Variants in TCF3 observed in about 807,000 individuals in gnomAD.
TCF3 encodes the protein transcription factor E2-alpha.
A neutral mutation model predicts 72.3 loss-of-function variants in TCF3; 54 were observed. That is an observed-to-expected ratio of 0.75 (90% confidence interval 0.60 to 0.94). The LOEUF is 0.94. Among genes scored for constraint, TCF3 ranks in the 40% least tolerant of loss-of-function variants. TCF3 has a pLI of 0.00. For synonymous variants in TCF3, 525 were observed against 412.6 expected (o/e 1.27, Z -3.30); for missense variants, 1,078 against 934.4 (o/e 1.15, Z -2.00).
intron 18 of TCF3, chr19:1,612,113 G>C: frequency 7.7e-7 from 1 of 1,303,578 alleles, no homozygotes; most frequent in Non-Finnish European, 1.0e-6. Flanking sequence ...CATGGACAGA[G>C]TCCGGGGGCG....
intron 3 of TCF3, among the ~76,000 whole-genome samples, chr19:1,633,278 C>T (rs2063943025): frequency 6.6e-6 from 1 of 152,188 alleles, no homozygotes; most frequent in African/African-American, 2.4e-5. Flanking sequence ...GGAGTTGCTG[C>T]CCTGCCTTGG....
intron 13 of TCF3, among the ~76,000 whole-genome samples, chr19:1,620,653 C>G (rs1202704917): frequency 1.3e-5 from 2 of 152,172 alleles, no homozygotes; most frequent in African/African-American, 4.8e-5. Context: ...CACCTCCCAG[C>G]CCTCCCTCAC....
chr19:1,617,688 G>A (rs777966053), intron 16 of TCF3, among the ~76,000 whole-genome samples: 2 of 152,224 alleles, frequency 1.3e-5, no homozygotes, highest in African/African-American at 2.4e-5. Flanking sequence ...CTCAGCACAC[G>A]AAGTGAAGGA....
At chr19:1,641,756 A>T (rs1038131389) in intron 3 of TCF3, among the ~76,000 whole-genome samples, 4 of 151,328 alleles carry the variant, frequency 2.6e-5, no homozygotes, top group Admixed American at 2.0e-4. Context: ...CCCAGCTGAA[A>T]TTTTTCTTTT....
intron 3 of TCF3, among the ~76,000 whole-genome samples, chr19:1,635,761 GTA>G (rs2064310653): frequency 6.6e-6 from 1 of 152,180 alleles, no homozygotes; most frequent in African/African-American, 2.4e-5. Flanking sequence ...TTAAAAATGT[GTA>G]TATGGCTAAT....
rs1232834022 is a variant in TCF3, at chr19:1,610,330, C to T, written c.*1377G>A. On this transcript the variant is annotated 3_prime_UTR_variant, in exon 19 of 19. Coordinates refer to ENST00000262965, the MANE Select transcript of TCF3 (RefSeq NM_003200.5). ...GAGGGCAGCAGGTGTGGCCCCAGGC[C>T]CAGGGATGCTCCCCAGCATTGGGGG... The T allele has an allele frequency of 1.3e-5, 3 of 231,950 alleles. No individual in the cohort carries two copies. The highest frequency in any genetic ancestry group is 2.6e-5 in the Non-Finnish European group (3 of 117,402). 14.4% of individuals were successfully genotyped at this position (231,950 alleles called of 1,614,324 possible). A position where few individuals can be genotyped will look rare whatever the true frequency, so the allele number is the denominator to read the frequency against.
intron 3 of TCF3, among the ~76,000 whole-genome samples, chr19:1,642,163 CACGCACGCGT>C (rs1310432465): frequency 1.3e-5 from 2 of 151,130 alleles, no homozygotes; most frequent in African/African-American, 4.9e-5. Flanking sequence ...CACACACACA[CACGCACGCGT>C]ACACACACGC....
intron 16 of TCF3, among the ~76,000 whole-genome samples, chr19:1,617,444 T>C (rs904866044): frequency 1.3e-5 from 2 of 152,238 alleles, no homozygotes; most frequent in African/African-American, 4.8e-5. Flanking sequence ...ACATGTGGCT[T>C]AAGGGTACAC....
chr19:1,620,926 T>A (rs1468413388), intron 13 of TCF3, 42 bp downstream of exon 13: 5 of 1,291,784 alleles, frequency 3.9e-6, no homozygotes, highest in Non-Finnish European at 4.0e-6. Flanking sequence ...CCCCAAACCC[T>A]CACAGACCTC....
intron 3 of TCF3, among the ~76,000 whole-genome samples, chr19:1,634,669 T>A (rs2064161867): frequency 6.6e-6 from 1 of 152,224 alleles, no homozygotes; most frequent in African/African-American, 2.4e-5. Context: ...GACTGGTCTT[T>A]GCCTGGTGGC....
rs748113552 is a variant in TCF3, at chr19:1,610,427, G to A, written c.*1280C>T. On this transcript the variant is annotated 3_prime_UTR_variant, in exon 19 of 19. Coordinates refer to ENST00000262965, the MANE Select transcript of TCF3 (RefSeq NM_003200.5). ...TGGTGTAATGGGGACATGGTGGGGTGGGGTGGGGGGTGTCCTGTGCTGGCT... is the reference window on the plus strand; with the variant it reads ...TGGTGTAATGGGGACATGGTGGGGTAGGGTGGGGGGTGTCCTGTGCTGGCT... 14 of 230,820 alleles carry A rather than the reference G, an allele frequency of 6.1e-5. No homozygotes were observed. The highest frequency in any genetic ancestry group is 9.4e-5 in the Non-Finnish European group (11 of 116,740). 14.3% of individuals were successfully genotyped at this position (230,820 alleles called of 1,614,324 possible). A position where few individuals can be genotyped will look rare whatever the true frequency, so the allele number is the denominator to read the frequency against.
At chr19:1,623,743 A>G (rs959603722) in intron 8 of TCF3, among the ~76,000 whole-genome samples, 1 of 152,092 alleles carries the variant, frequency 6.6e-6, no homozygotes, top group Non-Finnish European at 1.5e-5. Flanking sequence ...TCAAAACAAG[A>G]CAGACAGAGG....
intron 3 of TCF3, among the ~76,000 whole-genome samples, chr19:1,634,145 C>T (rs1233694180): frequency 6.6e-6 from 1 of 152,242 alleles, no homozygotes; most frequent in African/African-American, 2.4e-5. Context: ...CCCTCCCTCA[C>T]CCAGCCTTGG....
At chr19:1,644,665 G>A (rs771951750) in intron 3 of TCF3, among the ~76,000 whole-genome samples, 59 of 152,198 alleles carry the variant, frequency 3.9e-4, no homozygotes, top group Non-Finnish European at 6.9e-4. Flanking sequence ...CGTCCAGGGA[G>A]AGGCAACCCA....
chr19:1,634,920 C>G (rs149876840), intron 3 of TCF3, among the ~76,000 whole-genome samples: 71 of 152,334 alleles, frequency 4.7e-4, no homozygotes, highest in Non-Finnish European at 8.2e-4. Context: ...CTGTCCTGCA[C>G]AGCCAACAAT....
intron 3 of TCF3, among the ~76,000 whole-genome samples, chr19:1,640,589 C>G (rs781605626): frequency 2.6e-5 from 4 of 151,536 alleles, no homozygotes; most frequent in Non-Finnish European, 5.9e-5. Context: ...GAGGCCGAGG[C>G]GGGCGGATCA....
At chr19:1,642,031 T>A (rs1332718171) in intron 3 of TCF3, among the ~76,000 whole-genome samples, 1 of 149,480 alleles carries the variant, frequency 6.7e-6, no homozygotes. Flanking sequence ...GACAACAGAG[T>A]GAGACCTGGT....
chr19:1,647,777 C>A (rs1230749238), intron 2 of TCF3, among the ~76,000 whole-genome samples: 1 of 152,230 alleles, frequency 6.6e-6, no homozygotes, highest in Non-Finnish European at 1.5e-5. Context: ...CACATGGGTA[C>A]CGGGCTGTGT....
intron 2 of TCF3, among the ~76,000 whole-genome samples, chr19:1,646,994 T>C (rs2066215313): frequency 1.3e-5 from 2 of 152,040 alleles, no homozygotes; most frequent in Admixed American, 1.3e-4. Flanking sequence ...GGGCTGGGTA[T>C]GGGTTTGCTT....
Sources: allele counts gnomAD v4.1 joint callset (sites outside exome capture counted in the v4.1 genomes callset), GRCh38; gene constraint gnomAD v4.1.1; transcripts MANE v1.5; gene names NCBI Gene and HGNC (gene_info 2026-07-23, HGNC 2026-07-21).